The following PRH1 variants were observed in gnomAD, a reference collection of about 807,000 sequenced individuals.
The protein encoded by PRH1 is salivary acidic proline-rich phosphoprotein 1/2.
Under a neutral mutation model 7.9 loss-of-function variants are expected in PRH1, and 7 were observed. The ratio of observed to expected loss-of-function variants is 0.89; its 90% CI spans 0.50 to 1.67. The LOEUF (loss-of-function observed/expected upper bound fraction) is 1.67. Ranked by LOEUF, PRH1 falls within the 40% of genes most tolerant of loss-of-function variation. The probability of loss-of-function intolerance (pLI) is 0.00; values close to 1 mark genes in which losing one functional copy is unlikely to be tolerated. For synonymous variants in PRH1, 45 were observed against 80.8 expected (o/e 0.56, Z 2.38); for missense variants, 109 against 223.6 (o/e 0.49, Z 3.27).
At chr12:11,124,587 G>C (rs981447222) in intron 1 of PRH1, among the ~76,000 whole-genome samples, 7 of 152,188 alleles carry the variant, frequency 4.6e-5, no homozygotes, top group Non-Finnish European at 4.4e-5. Context: ...AACTTGACTT[G>C]AACTTTGCTG....
At chr12:11,033,333 C>T (rs1028808281) in intron 1 of PRH1, among the ~76,000 whole-genome samples, 7 of 152,086 alleles carry the variant, frequency 4.6e-5, no homozygotes, top group Admixed American at 2.6e-4. Context: ...TGCCACTGCA[C>T]TCCAGCCTGG....
chr12:11,064,264 T>G (rs1943722567), intron 1 of PRH1, among the ~76,000 whole-genome samples: 1 of 152,188 alleles, frequency 6.6e-6, no homozygotes, highest in Admixed American at 6.6e-5. Context: ...TGCGTGTAGG[T>G]GCAATCCTAC....
chr12:11,127,705 G>T (rs544166083), intron 1 of PRH1, among the ~76,000 whole-genome samples: 1 of 152,362 alleles, frequency 6.6e-6, no homozygotes, highest in African/African-American at 2.4e-5. Flanking sequence ...TCTTACTCGG[G>T]CTTTTCAGCC....
rs555711701 is a variant in PRH1, at chr12:11,062,068, T to A, written n.124-14880A>T. The A allele has an allele frequency of 2.5e-6, 4 of 1,613,730 alleles. No homozygotes were observed. Among genetic ancestry groups the A allele is most frequent in the Admixed American group, 1.7e-5 (1 of 59,906 alleles). On this transcript the variant is annotated intron_variant and non_coding_transcript_variant, in intron 1 of 4. Coordinates refer to the PRH1 transcript ENST00000541977. ...AGCAGTAATTCTTACTTCTATACTG[T>A]TAAAAGCTGGATTCAACTCAGTTGC... is the stretch of plus-strand genomic sequence containing the variant.
intron 1 of PRH1, among the ~76,000 whole-genome samples, chr12:10,977,701 TC>T: frequency 1.3e-5 from 2 of 152,184 alleles, no homozygotes; most frequent in Middle Eastern, 6.8e-3. Flanking sequence ...ACAAACAAAC[TC>T]AGCAAATTCT....
chr12:10,982,567 C>T (rs536091992), intron 1 of PRH1, among the ~76,000 whole-genome samples: 1 of 152,308 alleles, frequency 6.6e-6, no homozygotes, highest in Admixed American at 6.5e-5. Context: ...AAGAACACTG[C>T]TTCACTGTTT....
At chr12:10,889,034 C>T (rs1565452117), upstream of PRH1, among the ~76,000 whole-genome samples, 1 of 152,192 alleles carries the variant, frequency 6.6e-6, no homozygotes, top group Non-Finnish European at 1.5e-5. Flanking sequence ...CTGGTTAAAA[C>T]ATATGAAGAA....
chr12:10,884,401 C>T (rs1949458518), upstream of PRH1: 1 of 667,086 alleles, frequency 1.5e-6, no homozygotes, highest in Non-Finnish European at 2.6e-6. Flanking sequence ...TTTTGGGACT[C>T]TAGCTCAGCA....
intron 2 of PRH1, among the ~76,000 whole-genome samples, chr12:10,959,606 G>T (rs893219001): frequency 2.6e-5 from 4 of 152,020 alleles, no homozygotes; most frequent in African/African-American, 9.7e-5. Context: ...TCAAAAATGG[G>T]TTAGTAAACC....
chr12:11,170,727 T>C (rs886381160), intron 1 of PRH1, among the ~76,000 whole-genome samples: 3 of 152,240 alleles, frequency 2.0e-5, no homozygotes, highest in Non-Finnish European at 4.4e-5. Flanking sequence ...TCCTTATGTA[T>C]ATACGCGTGT....
intron 1 of PRH1, among the ~76,000 whole-genome samples, chr12:10,995,892 T>C (rs1565532444): frequency 6.6e-6 from 1 of 152,066 alleles, no homozygotes; most frequent in Non-Finnish European, 1.5e-5. Flanking sequence ...TCTAAGCTAT[T>C]AACATACTAT....
At chr12:10,974,402 A>T (rs1938989601) in intron 1 of PRH1, among the ~76,000 whole-genome samples, 1 of 152,160 alleles carries the variant, frequency 6.6e-6, no homozygotes, top group African/African-American at 2.4e-5. Context: ...GTAACCAGCA[A>T]TCCAGGAACA....
At chr12:10,897,383 G>T (rs1032758920) in intron 2 of PRH1, among the ~76,000 whole-genome samples, 3 of 144,912 alleles carry the variant, frequency 2.1e-5, no homozygotes, top group Non-Finnish European at 1.6e-5. Flanking sequence ...TTCAGCCCCT[G>T]GTCACTTGAA....
At chr12:11,113,623 C>A (rs2264229) in intron 1 of PRH1, among the ~76,000 whole-genome samples, 1 of 152,006 alleles carries the variant, frequency 6.6e-6, no homozygotes, top group African/African-American at 2.4e-5. Context: ...TAGAAGAAAA[C>A]CTAGGCAATA....
intron 2 of PRH1, among the ~76,000 whole-genome samples, chr12:10,900,915 C>T (rs1591659560): frequency 6.6e-6 from 1 of 152,170 alleles, no homozygotes; most frequent in Non-Finnish European, 1.5e-5. Context: ...CCTTCCTTGA[C>T]GTAGGTCATG....
intron 1 of PRH1, among the ~76,000 whole-genome samples, chr12:11,150,066 A>G (rs1252615272): frequency 2.0e-5 from 3 of 148,484 alleles, no homozygotes; most frequent in African/African-American, 7.4e-5. Flanking sequence ...AACACATGAA[A>G]AAATGCTCAT....
At chr12:11,094,388 C>A (rs1945025644) in intron 1 of PRH1, among the ~76,000 whole-genome samples, 1 of 110,700 alleles carries the variant, frequency 9.0e-6, no homozygotes, top group Non-Finnish European at 2.1e-5. Flanking sequence ...TTTTCTCCTG[C>A]ACAAAAACAT....
chr12:10,937,045 C>T (rs559188197), intron 2 of PRH1, among the ~76,000 whole-genome samples: 186 of 152,104 alleles, frequency 1.2e-3, no homozygotes, highest in African/African-American at 4.2e-3. Context: ...CATTCCTTAG[C>T]CCTTGAAAAA....
chr12:11,113,566 AG>A (rs1470452823), intron 1 of PRH1, among the ~76,000 whole-genome samples: 1 of 152,238 alleles, frequency 6.6e-6, no homozygotes, highest in Admixed American at 6.5e-5. Context: ...AAATTAATTC[AG>A]GGTGGATTAA....
Sources: allele counts gnomAD v4.1 joint callset (sites outside exome capture counted in the v4.1 genomes callset), GRCh38; gene constraint gnomAD v4.1.1; transcripts MANE v1.5; gene names NCBI Gene and HGNC (gene_info 2026-07-23, HGNC 2026-07-21).